Variants in USP32 observed in about 807,000 individuals in gnomAD.
USP32 encodes ubiquitin carboxyl-terminal hydrolase 32.
A neutral mutation model predicts 204.8 loss-of-function variants in USP32; 59 were observed. The observed-to-expected ratio is 0.29, with a 90% CI of 0.23 to 0.36. The LOEUF is 0.36. USP32 is among the 10% of genes least tolerant of loss of function. The pLI, the probability that USP32 is intolerant of heterozygous loss-of-function variation, is 1.00. For synonymous variants in USP32, 517 were observed against 678.4 expected (o/e 0.76, Z 3.70); for missense variants, 1,160 against 1,946.4 (o/e 0.60, Z 7.60).
At chr17:60,219,509 G>A in intron 16 of USP32, 161 bp downstream of exon 16, 1 of 893,892 alleles carries the variant, frequency 1.1e-6, no homozygotes, top group Non-Finnish European at 1.6e-6. Context: ...GAAAGCTGAT[G>A]GGAATGTGTA....
chr17:60,345,017 C>G (rs2088752777), intron 2 of USP32, among the ~76,000 whole-genome samples: 1 of 152,028 alleles, frequency 6.6e-6, no homozygotes, highest in South Asian at 2.1e-4. Context: ...TTATTTCTAC[C>G]TAAACATTTT....
chr17:60,233,634 A>T (rs944716469), intron 12 of USP32, among the ~76,000 whole-genome samples: 3 of 152,200 alleles, frequency 2.0e-5, no homozygotes, highest in Non-Finnish European at 2.9e-5. Flanking sequence ...AAACATTTTT[A>T]AAAAATCTGT....
At chr17:60,201,633 T>C (rs1238674846) in intron 26 of USP32, among the ~76,000 whole-genome samples, 1 of 152,228 alleles carries the variant, frequency 6.6e-6, no homozygotes, top group Admixed American at 6.5e-5. Context: ...TTAATTTACA[T>C]TTCACTGATT....
In USP32 at chr17:60,318,866, C is replaced by CTTA. The variant is rs558078552; in HGVS notation, c.187-17163_187-17162insTAA. On this transcript the variant is annotated intron_variant, in intron 2 of 33. Transcript: ENST00000300896. ...AAGGATGTGAGTGAAAAATTGACCA[C>CTTA]TTTTTAAAATAAGTTATTCGTTACA... 3.9e-5 allele frequency among the ~76,000 whole-genome samples: 6 copies of CTTA among 152,240 alleles called. No homozygotes were observed. In the South Asian group the frequency reaches 1.2e-3, roughly 32 times the overall value.
At position 60,283,122 on chromosome 17, in the gene USP32, T is replaced by C. The variant is rs2087011451; in HGVS notation, c.571+5401A>G. Among the ~76,000 whole-genome samples the C allele has an allele frequency of 2.0e-5, 3 of 152,234 alleles. No homozygotes were observed. In the South Asian group the frequency reaches 6.2e-4, roughly 31 times the overall value. On this transcript the variant is annotated intron_variant, in intron 5 of 33. Transcript: ENST00000300896. ...GAAAAGGCAGCATCTGAATTGGGCT[T>C]TGATGACAAACAATCATCTCAATTG...
At chr17:60,386,017 T>C (rs1243987557) in intron 1 of USP32, among the ~76,000 whole-genome samples, 1 of 151,514 alleles carries the variant, frequency 6.6e-6, no homozygotes, top group Non-Finnish European at 1.5e-5. Flanking sequence ...TATTGCTGCA[T>C]AACACACACA....
At chr17:60,371,506 T>C (rs1298437089) in intron 1 of USP32, among the ~76,000 whole-genome samples, 1 of 150,772 alleles carries the variant, frequency 6.6e-6, no homozygotes, top group Non-Finnish European at 1.5e-5. Context: ...GAGGTGGAGG[T>C]TGCAATAAGC....
intron 5 of USP32, among the ~76,000 whole-genome samples, chr17:60,271,792 C>T (rs1216129823): frequency 6.6e-6 from 1 of 151,376 alleles, no homozygotes; most frequent in East Asian, 1.9e-4. Flanking sequence ...CCACTTTTAC[C>T]TGTACTGATT....
chr17:60,246,775 C>T lies in USP32; in HGVS notation c.1136+5606G>A, dbSNP rs999777314. ...ATATTTCATTGTGGTTTTGATATTT[C>T]GATTATGATTAGTGATGTTGAGCAT... On this transcript the variant is annotated intron_variant, in intron 11 of 33. Transcript: ENST00000300896. Among the ~76,000 whole-genome samples, 5 of 151,980 alleles carry T rather than the reference C, an allele frequency of 3.3e-5. No individual in the cohort carries two copies. The South Asian group carries it at 8.3e-4, about 25-fold the overall frequency.
intron 1 of USP32, among the ~76,000 whole-genome samples, chr17:60,391,488 T>C (rs2089832415): frequency 6.6e-6 from 1 of 151,942 alleles, no homozygotes; most frequent in Non-Finnish European, 1.5e-5. Flanking sequence ...GGAACGAGGT[T>C]AGGATGTTAT....
At chr17:60,316,692 T>A (rs1237373121) in intron 2 of USP32, among the ~76,000 whole-genome samples, 5 of 151,880 alleles carry the variant, frequency 3.3e-5, no homozygotes, top group Non-Finnish European at 7.4e-5. Context: ...AATACAAAAA[T>A]GAGTCGGGTG....
At chr17:60,362,781 C>T (rs937304838) in intron 1 of USP32, among the ~76,000 whole-genome samples, 1 of 151,856 alleles carries the variant, frequency 6.6e-6, no homozygotes, top group African/African-American at 2.4e-5. Flanking sequence ...AAATGTGGTA[C>T]TCATTAGTTC....
At chr17:60,212,733 G>A (rs2085001681) in intron 18 of USP32, among the ~76,000 whole-genome samples, 1 of 150,986 alleles carries the variant, frequency 6.6e-6, no homozygotes, top group South Asian at 2.1e-4. Context: ...TTCTTAAATT[G>A]TAACAACTGT....
intron 2 of USP32, among the ~76,000 whole-genome samples, chr17:60,307,865 T>C (rs2087763320): frequency 6.6e-6 from 1 of 152,012 alleles, no homozygotes; most frequent in African/African-American, 2.4e-5. Context: ...GGCTGGACGT[T>C]GAGAGGAACA....
intron 29 of USP32, among the ~76,000 whole-genome samples, chr17:60,188,275 T>G (rs2145393222): frequency 6.6e-6 from 1 of 152,068 alleles, no homozygotes; most frequent in Non-Finnish European, 1.5e-5. Flanking sequence ...ATTGCCTCTG[T>G]TTTTTTTCTG....
intron 15 of USP32, 55 bp from the exon 16 acceptor site, chr17:60,219,842 T>C (rs1381574496): frequency 7.3e-6 from 11 of 1,511,722 alleles, no homozygotes; most frequent in Non-Finnish European, 9.8e-6. Flanking sequence ...AAACTTGCCA[T>C]TTTAATCTAA....
chr17:60,392,019 G>T lies in USP32; in HGVS notation c.-80C>A. ...TCCCGCCTTCTCCTCGGCGTCCCTGGGTGACGGTGACGGTGTCGGCGTCCC... is the reference window on the plus strand; with the variant it reads ...TCCCGCCTTCTCCTCGGCGTCCCTGTGTGACGGTGACGGTGTCGGCGTCCC... On this transcript the variant is annotated 5_prime_UTR_variant, in exon 1 of 34. Transcript: ENST00000300896. The T allele has an allele frequency of 1.4e-6, 2 of 1,471,262 alleles. No homozygotes were observed. The highest frequency in any genetic ancestry group is 1.8e-6 in the Non-Finnish European group (2 of 1,085,996). The allele number at this position is 1,471,262 out of a possible 1,614,324, so 91.1% of individuals were successfully genotyped here.
chr17:60,268,786 T>C (rs1379299477), intron 7 of USP32, among the ~76,000 whole-genome samples: 2 of 152,062 alleles, frequency 1.3e-5, no homozygotes, highest in Non-Finnish European at 2.9e-5. Flanking sequence ...AGTACAACAG[T>C]ACTAAATACG....
At chr17:60,189,323 A>G (rs544622229) in intron 29 of USP32, among the ~76,000 whole-genome samples, 1 of 152,246 alleles carries the variant, frequency 6.6e-6, no homozygotes, top group Admixed American at 6.5e-5. Flanking sequence ...AACTAGGTCT[A>G]GAATTGGTAG....
Sources: allele counts gnomAD v4.1 joint callset (sites outside exome capture counted in the v4.1 genomes callset), GRCh38; gene constraint gnomAD v4.1.1; transcripts MANE v1.5; gene names NCBI Gene and HGNC (gene_info 2026-07-23, HGNC 2026-07-21).